The following DOCK2 variants were observed in gnomAD, a reference collection of about 807,000 sequenced individuals.
DOCK2 encodes the protein dedicator of cytokinesis 2, also known as dedicator of cytokinesis protein 2.
A neutral mutation model predicts 248.9 loss-of-function variants in DOCK2; 87 were observed. That is an observed-to-expected ratio of 0.35 (90% CI 0.29 to 0.42). The LOEUF (loss-of-function observed/expected upper bound fraction) is 0.42, where lower values mean the gene tolerates loss of function less well. DOCK2 is among the 10% of genes least tolerant of loss of function. DOCK2 has a pLI of 1.00. For missense variants in DOCK2, 1,747 were observed against 2,300.2 expected, an observed-to-expected ratio of 0.76 and a Z score of 4.92; for synonymous variants, 805 against 821.6, an observed-to-expected ratio of 0.98 and a Z score of 0.35.
chr5:169,847,341 A>T (rs895636477), intron 27 of DOCK2, among the ~76,000 whole-genome samples: 1 of 152,210 alleles, frequency 6.6e-6, no homozygotes, highest in African/African-American at 2.4e-5. Flanking sequence ...TTTTCCCAAC[A>T]TTCATGCCAA....
chr5:169,898,819 T>TAGCAA (rs1773760269), intron 27 of DOCK2, among the ~76,000 whole-genome samples: 1 of 152,122 alleles, frequency 6.6e-6, no homozygotes, highest in Non-Finnish European at 1.5e-5. Context: ...CCCAAACAGG[T>TAGCAA]AGCAGGCAAG....
intron 27 of DOCK2, among the ~76,000 whole-genome samples, chr5:169,946,392 C>T (rs1776450001): frequency 6.6e-6 from 1 of 152,214 alleles, no homozygotes; most frequent in African/African-American, 2.4e-5. Flanking sequence ...CTTCCAGGAG[C>T]TACCTTTATG....
intron 22 of DOCK2, among the ~76,000 whole-genome samples, chr5:169,720,633 A>G (rs913615128): frequency 2.0e-5 from 3 of 152,182 alleles, no homozygotes; most frequent in African/African-American, 7.2e-5. Context: ...CTGTTCCATG[A>G]GATGGACACT....
At chr5:169,665,542 A>G (rs1205604324) in intron 2 of DOCK2, among the ~76,000 whole-genome samples, 1 of 152,174 alleles carries the variant, frequency 6.6e-6, no homozygotes, top group Non-Finnish European at 1.5e-5. Context: ...AGTGCAATTG[A>G]AATCCCTTTT....
chr5:169,883,628 C>T, intron 27 of DOCK2: 2 of 1,551,444 alleles, frequency 1.3e-6, no homozygotes, highest in South Asian at 1.2e-5. Flanking sequence ...TTGCGAAAGC[C>T]CCCTGCCTTC....
intron 22 of DOCK2, among the ~76,000 whole-genome samples, chr5:169,732,395 C>G (rs546975235): frequency 6.6e-6 from 1 of 152,244 alleles, no homozygotes; most frequent in South Asian, 2.1e-4. Context: ...CATCCACGCC[C>G]GTTGCTTCAG....
intron 44 of DOCK2, among the ~76,000 whole-genome samples, chr5:170,059,557 A>G (rs1301383111): frequency 6.6e-6 from 1 of 152,194 alleles, no homozygotes; most frequent in Non-Finnish European, 1.5e-5. Flanking sequence ...CTAATAGCCT[A>G]CATAATTTTC....
At chr5:169,827,159 C>T (rs554904189) in intron 26 of DOCK2, among the ~76,000 whole-genome samples, 38 of 152,190 alleles carry the variant, frequency 2.5e-4, no homozygotes, top group African/African-American at 8.2e-4. Flanking sequence ...GAAAATCCCC[C>T]GCTTGTTTTA....
intron 27 of DOCK2, among the ~76,000 whole-genome samples, chr5:169,902,035 C>T (rs560308026): frequency 1.2e-4 from 18 of 152,270 alleles, no homozygotes; most frequent in African/African-American, 3.9e-4. Context: ...ATCAGTCAAA[C>T]GGTTTGTTTC....
At chr5:169,690,020 C>T (rs867030052) in intron 9 of DOCK2, among the ~76,000 whole-genome samples, 11 of 150,620 alleles carry the variant, frequency 7.3e-5, no homozygotes, top group Middle Eastern at 3.5e-3. Context: ...ACCCCTTTCT[C>T]ATCCTGTTTC....
At chr5:169,749,142 ATTC>A (rs1763769914) in intron 23 of DOCK2, among the ~76,000 whole-genome samples, 2 of 152,248 alleles carry the variant, frequency 1.3e-5, no homozygotes, top group Admixed American at 1.3e-4. Flanking sequence ...ATAACTTTAA[ATTC>A]TTCTTTGATA....
At chr5:169,749,568 G>C (rs1413234997) in intron 23 of DOCK2, among the ~76,000 whole-genome samples, 9 of 152,102 alleles carry the variant, frequency 5.9e-5, no homozygotes, top group African/African-American at 2.2e-4. Flanking sequence ...CTATTTTATT[G>C]ATGAGGGAAT....
chr5:169,978,257 A>G (rs924343564), intron 27 of DOCK2, among the ~76,000 whole-genome samples: 2 of 151,800 alleles, frequency 1.3e-5, no homozygotes, highest in East Asian at 1.9e-4. Flanking sequence ...TGAGGGTTGC[A>G]TGGGCAGGCA....
At chr5:169,673,234 C>T (rs1379729637) in intron 5 of DOCK2, among the ~76,000 whole-genome samples, 1 of 151,964 alleles carries the variant, frequency 6.6e-6, no homozygotes, top group East Asian at 1.9e-4. Context: ...CTGAAGCTAT[C>T]TAGGGGCCCA....
intron 24 of DOCK2, among the ~76,000 whole-genome samples, chr5:169,760,461 C>A (rs1428902223): frequency 6.6e-6 from 1 of 152,158 alleles, no homozygotes; most frequent in Middle Eastern, 3.2e-3. Flanking sequence ...GAGAAATTAA[C>A]ATGGATACAG....
At chr5:170,074,170 A>C (rs1413359044) in intron 46 of DOCK2, among the ~76,000 whole-genome samples, 1 of 152,202 alleles carries the variant, frequency 6.6e-6, no homozygotes, top group Admixed American at 6.5e-5. Context: ...CTTTTTCATG[A>C]ATGAAGGATC....
chr5:169,821,203 T>C (rs1399088399), intron 26 of DOCK2, among the ~76,000 whole-genome samples: 1 of 152,200 alleles, frequency 6.6e-6, no homozygotes, highest in African/African-American at 2.4e-5. Context: ...CTGCAGGATA[T>C]TATCCAGGAG....
intron 46 of DOCK2, among the ~76,000 whole-genome samples, chr5:170,072,202 A>T (rs905691231): frequency 6.6e-6 from 1 of 152,162 alleles, no homozygotes; most frequent in Non-Finnish European, 1.5e-5. Context: ...GGTACTGCCA[A>T]TCTTCTATCA....
chr5:169,646,735 A>T (rs1487876494), intron 1 of DOCK2, among the ~76,000 whole-genome samples: 1 of 152,216 alleles, frequency 6.6e-6, no homozygotes, highest in Non-Finnish European at 1.5e-5. Context: ...ATGTCGCCAA[A>T]ACTCATTCAT....
Sources: allele counts gnomAD v4.1 joint callset (sites outside exome capture counted in the v4.1 genomes callset), GRCh38; gene constraint gnomAD v4.1.1; transcripts MANE v1.5; gene names NCBI Gene and HGNC (gene_info 2026-07-23, HGNC 2026-07-21).